Variants in PCDHA2 observed in about 807,000 individuals in gnomAD.
PCDHA2 encodes the protein protocadherin alpha 2, also known as protocadherin alpha-2.
Under a neutral mutation model 66.0 loss-of-function variants are expected in PCDHA2, and 58 were observed. That is an observed-to-expected ratio of 0.88 (90% CI 0.71 to 1.09). PCDHA2 has a LOEUF of 1.09. Ranked by LOEUF, PCDHA2 falls within the 50% of genes least tolerant of loss-of-function variation. The pLI, the probability that PCDHA2 is intolerant of heterozygous loss-of-function variation, is 0.00. For synonymous variants in PCDHA2, 634 were observed against 554.0 expected (o/e 1.14, Z -2.03); for missense variants, 1,267 against 1,242.3 (o/e 1.02, Z -0.30).
rs782578399 is a variant in PCDHA2 at position 140,795,267 on chromosome 5, A to G, written c.303A>G (p.Glu101=). The part of the protein sequence containing the change: ...DREELCGRSA[E]CSIHVEVIVD... Reference sequence around the variant, plus strand: ...AGGAGCTGTGCGGGCGGAGCGCGGAATGTAGCATCCACGTGGAGGTGATCG... The same window carrying G: ...AGGAGCTGTGCGGGCGGAGCGCGGAGTGTAGCATCCACGTGGAGGTGATCG... The change falls in exon 1 of 4, where the codon GAA becomes GAG. Residue 101 remains glutamate, a synonymous_variant. Coordinates refer to ENST00000526136, the MANE Select transcript of PCDHA2 (RefSeq NM_018905.3). The G allele has an allele frequency of 1.1e-5, 17 of 1,614,084 alleles. No homozygotes were observed. Among genetic ancestry groups the G allele is most frequent in the African/African-American group, 9.3e-5 (7 of 74,958 alleles).
rs1455444799 is a variant in PCDHA2, at chr5:140,876,953, T to C, written c.2388+79601T>C. On this transcript the variant is annotated intron_variant, in intron 1 of 3. Coordinates refer to ENST00000526136, the MANE Select transcript of PCDHA2 (RefSeq NM_018905.3). ...AAGAACGCGCTGGTGTCCTACTCGCTGGTGGAGCGGCGGGTGGGCGAGCAC... is the reference window on the plus strand; with the variant it reads ...AAGAACGCGCTGGTGTCCTACTCGCCGGTGGAGCGGCGGGTGGGCGAGCAC... The C allele has an allele frequency of 1.1e-5, 17 of 1,613,306 alleles. No homozygotes were observed. Among genetic ancestry groups the C allele is most frequent in the Non-Finnish European group, 1.4e-5 (17 of 1,179,866 alleles).
intron 1 of PCDHA2, among the ~76,000 whole-genome samples, chr5:140,918,467 C>T (rs2078709178): frequency 6.6e-6 from 1 of 152,006 alleles, no homozygotes; most frequent in Non-Finnish European, 1.5e-5. Context: ...TGTCTTATTC[C>T]AAGTCTCAAG....
At chr5:140,869,928 A>G (rs1554163617) in intron 1 of PCDHA2, 1 of 1,611,726 alleles carries the variant, frequency 6.2e-7, no homozygotes, top group Middle Eastern at 1.6e-4. Context: ...GAGTCAATGG[A>G]GAGGTAACAT....
chr5:140,967,969 C>T (rs997628696), intron 1 of PCDHA2: 3 of 1,614,064 alleles, frequency 1.9e-6, no homozygotes, highest in African/African-American at 1.3e-5. Flanking sequence ...GGAAAGTGAG[C>T]CTGGGTCTGG....
At position 140,978,930 on chromosome 5, in the gene PCDHA2, T is replaced by C; in HGVS notation, c.2389-19T>C. On this transcript the variant is annotated intron_variant, in intron 1 of 3. Transcript: ENST00000526136. ...TTGTCTTGTCATTTTAACAGAAAAC[T>C]CTCTTTGTGATTTTGCAGCCACGAC... 2 of 1,614,088 alleles carry C rather than the reference T, an allele frequency of 1.2e-6. No individual in the cohort carries two copies. Among genetic ancestry groups the C allele is most frequent in the South Asian group, 1.1e-5 (1 of 91,072 alleles).
In PCDHA2 at chr5:140,850,262, A is replaced by G. The variant is rs2150476444; in HGVS notation, c.2388+52910A>G. 32 of 1,594,296 alleles carry G rather than the reference A, an allele frequency of 2.0e-5. 1 individual carries two copies. The highest frequency in any genetic ancestry group is 2.7e-5 in the African/African-American group (2 of 74,230). On this transcript the variant is annotated intron_variant, in intron 1 of 3. Transcript: ENST00000526136. ...TGCTGCGGTCGGTGGGCGCCGGCGT[A>G]GTGGTGGGGAAGGTGCGCGCAGTGG...
In PCDHA2 at chr5:141,010,089, G is replaced by A. The variant is rs1588251277; in HGVS notation, c.*152G>A. 3.7e-6 allele frequency: 6 copies of A among 1,612,294 alleles called. No individual in the cohort carries two copies. The highest frequency in any genetic ancestry group is 5.1e-6 in the Non-Finnish European group (6 of 1,179,138). ...AAAGTTCCCTGTGTCTGTCTAGAAC[G>A]CATTTAACAGGTTTTGTCGTAAAAG... On this transcript the variant is annotated 3_prime_UTR_variant, in exon 4 of 4. Transcript: ENST00000526136.
chr5:140,943,057 G>A (rs907618778), intron 1 of PCDHA2, among the ~76,000 whole-genome samples: 2 of 151,996 alleles, frequency 1.3e-5, no homozygotes, highest in African/African-American at 4.8e-5. Context: ...AGGAGTTCAA[G>A]AACAGCCTGA....
intron 1 of PCDHA2, chr5:140,870,842 T>G (rs781830221): frequency 6.2e-7 from 1 of 1,613,798 alleles, no homozygotes; most frequent in Non-Finnish European, 8.5e-7. Flanking sequence ...AACAAGCTAG[T>G]ACCGCGGTCG....
intron 1 of PCDHA2, chr5:140,829,639 G>A (rs1431556203): frequency 6.2e-7 from 1 of 1,612,256 alleles, no homozygotes; most frequent in African/African-American, 1.3e-5. Flanking sequence ...AGAGCGGCAA[G>A]GTGTACGCGC....
chr5:140,968,135 G>C (rs2096222877), intron 1 of PCDHA2: 2 of 1,614,034 alleles, frequency 1.2e-6, no homozygotes, highest in Non-Finnish European at 1.7e-6. Flanking sequence ...TACACTGAAG[G>C]TTGAGATCTC....
intron 1 of PCDHA2, among the ~76,000 whole-genome samples, chr5:140,914,826 CA>C: frequency 6.6e-6 from 1 of 151,812 alleles, no homozygotes; most frequent in East Asian, 1.9e-4. Context: ...ACTGCATAAA[CA>C]AAAAACAAAC....
rs1413511622 is a variant in PCDHA2, at chr5:140,853,854, T to A, written c.2388+56502T>A. ...CGAAATTTTAGATCCATAGCCCTAT[T>A]TGATACTTGACAGTGCAAGTTTCTG... On this transcript the variant is annotated intron_variant, in intron 1 of 3. Coordinates refer to ENST00000526136, the MANE Select transcript of PCDHA2 (RefSeq NM_018905.3). The A allele has an allele frequency of 2.1e-5, 21 of 985,682 alleles. 4 individuals carry two copies. The highest frequency in any genetic ancestry group is 2.3e-5 in the Non-Finnish European group (19 of 817,834). The allele number at this position is 985,682 out of a possible 1,614,324, so 61.1% of individuals were successfully genotyped here. A position where few individuals can be genotyped will look rare whatever the true frequency, so the allele number is the denominator to read the frequency against.
chr5:140,798,484 G>C (rs1554120685), intron 1 of PCDHA2, among the ~76,000 whole-genome samples: 1 of 152,122 alleles, frequency 6.6e-6, no homozygotes, highest in East Asian at 1.9e-4. Context: ...CATTTAAGTG[G>C]AGACTACCCA....
intron 1 of PCDHA2, among the ~76,000 whole-genome samples, chr5:140,879,457 T>A (rs1554170803): frequency 6.6e-6 from 1 of 152,176 alleles, no homozygotes; most frequent in Non-Finnish European, 1.5e-5. Context: ...TTTGAAGTCC[T>A]AAGAGAATAC....
intron 1 of PCDHA2, chr5:140,865,257 T>G (rs1250591902): frequency 6.6e-6 from 1 of 152,240 alleles, no homozygotes; most frequent in Non-Finnish European, 1.5e-5. Flanking sequence ...TGTAAGGATG[T>G]GTATCAAATT....
intron 2 of PCDHA2, 87 bp downstream of exon 2, chr5:140,979,094 T>C (rs1203462119): frequency 6.4e-7 from 1 of 1,551,870 alleles, no homozygotes; most frequent in Non-Finnish European, 8.7e-7. Flanking sequence ...CAGAAGCAGC[T>C]GTCAAAACTA....
At chr5:140,870,473 C>G (rs1232580918) in intron 1 of PCDHA2, 1 of 1,614,124 alleles carries the variant, frequency 6.2e-7, no homozygotes, top group Non-Finnish European at 8.5e-7. Context: ...TTCGCACAGC[C>G]CGAGTACACC....
At chr5:140,817,814 T>G (rs1289850522) in intron 1 of PCDHA2, among the ~76,000 whole-genome samples, 2 of 152,208 alleles carry the variant, frequency 1.3e-5, no homozygotes. Flanking sequence ...CGTTTTTATA[T>G]ATCTGGAAAT....
Sources: gnomAD v4.1 joint callset for allele counts (sites outside exome capture counted in the v4.1 genomes callset) on GRCh38, gnomAD v4.1.1 for gene constraint, MANE v1.5 for transcripts, NCBI Gene and HGNC (gene_info 2026-07-23, HGNC 2026-07-21) for gene names.